The following ATP8A2 variants were observed in gnomAD, a reference collection of about 807,000 sequenced individuals.
ATP8A2 encodes the protein ATPase phospholipid transporting 8A2.
In ATP8A2, 100 loss-of-function variants were observed where a neutral mutation model predicts 165.6. The ratio of observed to expected loss-of-function variants is 0.60; its 90% CI spans 0.51 to 0.71. The LOEUF (loss-of-function observed/expected upper bound fraction) is 0.71, where lower values mean the gene tolerates loss of function less well. Ranked by LOEUF, ATP8A2 falls within the 30% of genes least tolerant of loss-of-function variation. ATP8A2 has a pLI of 0.00. For synonymous variants in ATP8A2, 543 were observed against 548.8 expected, an observed-to-expected ratio of 0.99 and a Z score of 0.15; for missense variants, 1,227 against 1,479.5, an observed-to-expected ratio of 0.83 and a Z score of 2.80.
intron 2 of ATP8A2, among the ~76,000 whole-genome samples, chr13:25,476,763 C>A (rs978299526): frequency 1.3e-5 from 2 of 152,166 alleles, no homozygotes; most frequent in African/African-American, 2.4e-5. Context: ...GGGTATGCTG[C>A]TTTTTGTTTA....
At chr13:25,981,416 A>G (rs1005942429) in intron 35 of ATP8A2, among the ~76,000 whole-genome samples, 12 of 152,256 alleles carry the variant, frequency 7.9e-5, no homozygotes, top group African/African-American at 2.9e-4. Context: ...GCTAGTTGCC[A>G]GTATTATTTT....
chr13:25,625,209 C>T (rs1277655202), intron 24 of ATP8A2, among the ~76,000 whole-genome samples: 3 of 152,090 alleles, frequency 2.0e-5, no homozygotes, highest in African/African-American at 4.8e-5. Flanking sequence ...GTTTGAGCCC[C>T]GTAATCAAGA....
intron 2 of ATP8A2, among the ~76,000 whole-genome samples, chr13:25,480,773 C>T (rs552556926): frequency 2.0e-5 from 3 of 150,692 alleles, no homozygotes; most frequent in African/African-American, 7.3e-5. Context: ...GCAGAGGCTG[C>T]ACTCTGGGCA....
intron 25 of ATP8A2, among the ~76,000 whole-genome samples, chr13:25,707,114 A>T (rs2043069382): frequency 6.6e-6 from 1 of 152,180 alleles, no homozygotes; most frequent in South Asian, 2.1e-4. Flanking sequence ...TTTGTAGTAT[A>T]TTAAAAATAG....
intron 26 of ATP8A2, among the ~76,000 whole-genome samples, chr13:25,771,608 C>T (rs2044620589): frequency 6.6e-6 from 1 of 152,184 alleles, no homozygotes; most frequent in South Asian, 2.1e-4. Flanking sequence ...AAGGGTGGAG[C>T]AGGGAGCGAG....
At chr13:25,933,320 G>A (rs1954812815) in intron 33 of ATP8A2, among the ~76,000 whole-genome samples, 2 of 152,182 alleles carry the variant, frequency 1.3e-5, no homozygotes, top group African/African-American at 4.8e-5. Flanking sequence ...TGGCTATGCA[G>A]GATAGCCTGG....
At chr13:25,961,473 T>C in intron 33 of ATP8A2, 102 bp from the exon 34 acceptor site, 4 of 962,568 alleles carry the variant, frequency 4.2e-6, no homozygotes, top group Non-Finnish European at 4.9e-6. Flanking sequence ...TTTAGTGCGG[T>C]CTGTTGTTTT....
At chr13:25,806,291 A>G (rs1246919226) in intron 27 of ATP8A2, among the ~76,000 whole-genome samples, 1 of 152,112 alleles carries the variant, frequency 6.6e-6, no homozygotes, top group Non-Finnish European at 1.5e-5. Context: ...TTCATATGAC[A>G]TATATACAGA....
At chr13:25,901,426 T>C (rs532831575) in intron 33 of ATP8A2, among the ~76,000 whole-genome samples, 1 of 149,492 alleles carries the variant, frequency 6.7e-6, no homozygotes, top group Non-Finnish European at 1.5e-5. Context: ...AAAAACCACA[T>C]GTTACTTAGA....
intron 2 of ATP8A2, among the ~76,000 whole-genome samples, chr13:25,489,342 G>A (rs924526414): frequency 2.6e-5 from 4 of 152,068 alleles, no homozygotes; most frequent in Non-Finnish European, 5.9e-5. Context: ...ACTCAAGTTC[G>A]TCCTCCTGGA....
At chr13:25,794,391 T>C (rs1403703228) in intron 27 of ATP8A2, among the ~76,000 whole-genome samples, 1 of 152,240 alleles carries the variant, frequency 6.6e-6, no homozygotes, top group African/African-American at 2.4e-5. Flanking sequence ...TGCATTGTGC[T>C]ACATGAAAGA....
At chr13:25,983,062 T>C (rs1464291130) in intron 35 of ATP8A2, among the ~76,000 whole-genome samples, 1 of 152,230 alleles carries the variant, frequency 6.6e-6, no homozygotes, top group East Asian at 1.9e-4. Flanking sequence ...AGGTTTTATG[T>C]TTTCTGACTT....
At chr13:25,624,104 T>C (rs1326247359) in intron 24 of ATP8A2, among the ~76,000 whole-genome samples, 1 of 152,200 alleles carries the variant, frequency 6.6e-6, no homozygotes, top group Non-Finnish European at 1.5e-5. Context: ...AACGGCTTAC[T>C]GAATTGGACT....
chr13:25,468,851 G>A, intron 1 of ATP8A2, 126 bp from the exon 2 acceptor site: 1 of 1,434,488 alleles, frequency 7.0e-7, no homozygotes, highest in Non-Finnish European at 9.2e-7. Flanking sequence ...GTACGTAGGC[G>A]GCGTCCGCCT....
chr13:25,559,572 G>C, intron 14 of ATP8A2, 149 bp from the exon 15 acceptor site: 2 of 644,672 alleles, frequency 3.1e-6, no homozygotes, highest in Non-Finnish European at 5.5e-6. Flanking sequence ...CAAAAAAAGT[G>C]GTTTATTTCT....
intron 2 of ATP8A2, among the ~76,000 whole-genome samples, chr13:25,510,298 A>C (rs573068811): frequency 3.3e-5 from 5 of 152,126 alleles, no homozygotes; most frequent in Non-Finnish European, 7.4e-5. Flanking sequence ...CTTGTTAGAG[A>C]AGATGACCCC....
intron 1 of ATP8A2, among the ~76,000 whole-genome samples, chr13:25,458,422 C>T (rs1467250298): frequency 1.3e-5 from 2 of 152,102 alleles, no homozygotes; most frequent in Non-Finnish European, 2.9e-5. Flanking sequence ...TCTGTGTTGC[C>T]CATGCTGGCC....
chr13:25,953,997 G>C lies in ATP8A2; in HGVS notation c.3184-7578G>C, dbSNP rs750203156. Among the ~76,000 whole-genome samples, 5 of 151,892 alleles carry C rather than the reference G, an allele frequency of 3.3e-5. No individual in the cohort carries two copies. The highest frequency in any genetic ancestry group is 6.5e-5 in the Admixed American group (1 of 15,268). On this transcript the variant is annotated intron_variant, in intron 33 of 36. Coordinates refer to ENST00000381655, the MANE Select transcript of ATP8A2 (RefSeq NM_016529.6). The surrounding 1 kb of genome is among the most constrained non-coding windows in gnomAD (Gnocchi z 6.7). Reference sequence around the variant, plus strand: ...TACCCCAGTGGCACCTGGAATGCCAGCAAGACAGAACCGTTCACTTCCCTG... The same window carrying C: ...TACCCCAGTGGCACCTGGAATGCCACCAAGACAGAACCGTTCACTTCCCTG...
chr13:25,395,897 G>C (rs1259378575), intron 1 of ATP8A2, among the ~76,000 whole-genome samples: 1 of 151,908 alleles, frequency 6.6e-6, no homozygotes, highest in African/African-American at 2.4e-5. Flanking sequence ...AGGCTGGAGT[G>C]CAGTGGCGCA....
Sources: allele counts gnomAD v4.1 joint callset (sites outside exome capture counted in the v4.1 genomes callset), GRCh38; gene constraint gnomAD v4.1.1; non-coding constraint Gnocchi (gnomAD v3.1); transcripts MANE v1.5; gene names NCBI Gene and HGNC (gene_info 2026-07-23, HGNC 2026-07-21).